The following ETV5 variants were observed in gnomAD, a reference collection of about 807,000 sequenced individuals.
ETV5 encodes ETS variant transcription factor 5.
In ETV5, 10 loss-of-function variants were observed where a neutral mutation model predicts 70.0. The observed-to-expected ratio is 0.14, with a 90% CI of 0.09 to 0.24. ETV5 has a LOEUF of 0.24. Ranked by LOEUF, ETV5 falls within the 10% of genes least tolerant of loss-of-function variation. The pLI is 1.00. For synonymous variants in ETV5, 216 were observed against 242.2 expected, an observed-to-expected ratio of 0.89 and a Z score of 1.01; for missense variants, 453 against 651.2, an observed-to-expected ratio of 0.70 and a Z score of 3.31.
chr3:186,087,055 T>C (rs570655137), intron 5 of ETV5, among the ~76,000 whole-genome samples: 3 of 152,246 alleles, frequency 2.0e-5, no homozygotes, highest in East Asian at 1.9e-4. Context: ...AATGGAAGGA[T>C]AGATCATGCT....
rs973209773 is a variant in ETV5 at position 186,047,145 on chromosome 3, T to C, written c.*1494A>G. The stretch of plus-strand genomic sequence containing the variant: ...CTAAGTGTCACGGGGAGCACAGAAT[T>C]CTACCAGCAGAGCAGGCAGCAAGGT... On this transcript the variant is annotated 3_prime_UTR_variant, in exon 13 of 13. Coordinates refer to ENST00000306376, the MANE Select transcript of ETV5 (RefSeq NM_004454.3). 10 of 229,322 alleles carry C rather than the reference T, an allele frequency of 4.4e-5. No homozygotes were observed. The highest frequency in any genetic ancestry group is 2.0e-4 in the African/African-American group (9 of 45,126). 14.2% of individuals were successfully genotyped at this position (229,322 alleles called of 1,614,324 possible).
intron 5 of ETV5, among the ~76,000 whole-genome samples, chr3:186,097,675 A>G (rs1290729146): frequency 6.6e-6 from 1 of 152,224 alleles, no homozygotes; most frequent in African/African-American, 2.4e-5. Context: ...CCAGAATCCC[A>G]GGCCATCAGC....
In ETV5 at chr3:186,105,569, C is replaced by T. The variant is rs371837949; in HGVS notation, c.133+56G>A. The T allele has an allele frequency of 2.1e-4, 337 of 1,611,636 alleles. No individual in the cohort carries two copies. The highest frequency in any genetic ancestry group is 4.2e-4 in the Admixed American group (25 of 60,026). The stretch of plus-strand genomic sequence containing the variant: ...GGGAGAAGACAGGGAAGAATCTACA[C>T]GCTACTGTCACTGGGAGCAGGGAAG... On this transcript the variant is annotated intron_variant, in intron 3 of 12. Transcript: ENST00000306376. The surrounding 1 kb of genome is among the most constrained non-coding windows in gnomAD (Gnocchi z 4.5).
chr3:186,063,172 A>T (rs886758171), intron 9 of ETV5, among the ~76,000 whole-genome samples: 1 of 152,168 alleles, frequency 6.6e-6, no homozygotes, highest in African/African-American at 2.4e-5. Context: ...TGGGAGGCTG[A>T]GGCAGGAGAA....
chr3:186,066,076 T>G lies in ETV5; in HGVS notation c.651-4A>C. On this transcript the variant is annotated splice_polypyrimidine_tract_variant and splice_region_variant and intron_variant, in intron 7 of 12. Coordinates refer to ENST00000306376, the MANE Select transcript of ETV5 (RefSeq NM_004454.3). ...TTCAGACAGTTGTCTCTGAAATCTG[T>G]AAGAAGAAAGAGGTTTTCATGTTGA... 1 of 1,565,242 alleles carries G rather than the reference T, an allele frequency of 6.4e-7. No homozygotes were observed. The highest frequency in any genetic ancestry group is 1.2e-5 in the South Asian group (1 of 83,478).
rs1712893327 is a variant in ETV5 at position 186,046,919 on chromosome 3, A to G, written c.*1720T>C. On this transcript the variant is annotated 3_prime_UTR_variant, in exon 13 of 13. Transcript: ENST00000306376. ...GCTAATTAGCTTCCAATAGAGGAGA[A>G]TCTCATGTTTCCATAGCTATAAAGT... 1 of 230,992 alleles carries G rather than the reference A, an allele frequency of 4.3e-6. No individual in the cohort carries two copies. The highest frequency in any genetic ancestry group is 8.6e-6 in the Non-Finnish European group (1 of 116,352). 14.3% of individuals were successfully genotyped at this position (230,992 alleles called of 1,614,324 possible).
intron 12 of ETV5, 105 bp downstream of exon 12, chr3:186,051,925 G>A (rs893135509): frequency 3.8e-6 from 4 of 1,066,490 alleles, no homozygotes; most frequent in South Asian, 1.3e-5. Context: ...CACTTAGGGG[G>A]CTAAAATTTC....
intron 7 of ETV5, among the ~76,000 whole-genome samples, chr3:186,072,588 G>A (rs1713669426): frequency 6.6e-6 from 1 of 152,176 alleles, no homozygotes; most frequent in African/African-American, 2.4e-5. Flanking sequence ...ATAACGAAGA[G>A]CCAGACACTG....
intron 7 of ETV5, among the ~76,000 whole-genome samples, chr3:186,077,498 T>G (rs1276498669): frequency 6.6e-6 from 1 of 152,214 alleles, no homozygotes; most frequent in Non-Finnish European, 1.5e-5. Flanking sequence ...TTATGTCACA[T>G]AGATATCACG....
At position 186,048,745 on chromosome 3, in the gene ETV5, C is replaced by T. The variant is rs918949890; in HGVS notation, c.1427G>A (p.Ser476Asn). ...FLKAESECHL[S>N]EEDTLPLTHF... ...GGTCAGCGGCAGGGTGTCCTCCTCG[C>T]TGAGGTGGCACTCGGACTCTGCCTT... is the stretch of plus-strand genomic sequence containing the variant. Residue 476 changes from serine (S) to asparagine (N), a missense_variant, in exon 13 of 13, where the codon AGC becomes AAC. This residue lies in a region of ETV5 where 74 missense variants were observed against 95.2 expected (regional missense o/e 0.78). Coordinates refer to ENST00000306376, the MANE Select transcript of ETV5 (RefSeq NM_004454.3). 1 of 1,614,022 alleles carries T rather than the reference C, an allele frequency of 6.2e-7. No homozygotes were observed. Among genetic ancestry groups the T allele is most frequent in the African/African-American group, 1.3e-5 (1 of 74,926 alleles).
In ETV5 at chr3:186,057,350, G is replaced by T; in HGVS notation, c.1039+73C>A. The T allele has an allele frequency of 6.2e-7, 1 of 1,604,674 alleles. No individual in the cohort carries two copies. The highest frequency in any genetic ancestry group is 8.5e-7 in the Non-Finnish European group (1 of 1,171,824). On this transcript the variant is annotated intron_variant, in intron 10 of 12. Coordinates refer to ENST00000306376, the MANE Select transcript of ETV5 (RefSeq NM_004454.3). This position sits in a 1 kb window ranked among gnomAD's most constrained non-coding sequence, Gnocchi z 4.9. ...CTGATTTAATCACTGGACTTGGGAA[G>T]AGAGTCATGGCTGAGGTGTTCTGAC...
chr3:186,068,135 A>T (rs1713497610), intron 7 of ETV5, among the ~76,000 whole-genome samples: 1 of 152,238 alleles, frequency 6.6e-6, no homozygotes, highest in Non-Finnish European at 1.5e-5. Flanking sequence ...ATTCAGTCAC[A>T]GATGATCAGG....
chr3:186,100,770 G>A (rs74607912), intron 5 of ETV5, among the ~76,000 whole-genome samples: 18,637 of 152,130 alleles, frequency 0.12, 1,228 homozygotes, highest in South Asian at 0.15. Flanking sequence ...GCTGTATTTG[G>A]TATGGAGGCC....
chr3:186,088,307 TCAGGGGGCTGGC>T (rs1560053719), intron 5 of ETV5, among the ~76,000 whole-genome samples: 1 of 152,208 alleles, frequency 6.6e-6, no homozygotes, highest in Non-Finnish European at 1.5e-5. Context: ...AGGCTGCAGC[TCAGGGGGCTGGC>T]CTAGGTCTCC....
At chr3:186,106,496 C>A (rs1714591244) in intron 1 of ETV5, among the ~76,000 whole-genome samples, 1 of 152,132 alleles carries the variant, frequency 6.6e-6, no homozygotes, top group African/African-American at 2.4e-5. Flanking sequence ...CTTATCTTCA[C>A]ACACAACTCT....
At position 186,047,759 on chromosome 3, in the gene ETV5, C is replaced by A. The variant is rs1168772084; in HGVS notation, c.*880G>T. On this transcript the variant is annotated 3_prime_UTR_variant, in exon 13 of 13. Transcript: ENST00000306376. ...AGTTGGCACGGCCCTGGCTAAAGGA[C>A]ACAGTGCACAGTTACCAAAAGGTTT... 4.3e-6 allele frequency: 1 copy of A among 232,984 alleles called. No homozygotes were observed. Among genetic ancestry groups the A allele is most frequent in the Non-Finnish European group, 8.5e-6 (1 of 117,862 alleles). The allele number at this position is 232,984 out of a possible 1,614,324, so 14.4% of individuals were successfully genotyped here.
intron 9 of ETV5, 37 bp downstream of exon 9, chr3:186,064,380 G>A (rs1713384306): frequency 6.3e-7 from 1 of 1,581,290 alleles, no homozygotes; most frequent in East Asian, 2.2e-5. Context: ...AAGGAGAGGA[G>A]AGAGGAGAGA....
chr3:186,099,084 T>C lies in ETV5; in HGVS notation c.232+6221A>G, dbSNP rs577397284. ...TTAAACAAGGGAGCCCCCTTTATTT[T>C]CTATGCAGAGTCCTCTTACGGGGAA... On this transcript the variant is annotated intron_variant, in intron 5 of 12. Transcript: ENST00000306376. 2.6e-5 allele frequency among the ~76,000 whole-genome samples: 4 copies of C among 152,362 alleles called. No homozygotes were observed. The East Asian group carries it at 7.7e-4, about 29-fold the overall frequency.
intron 1 of ETV5, chr3:186,108,486 G>A (rs1240529288): frequency 3.1e-6 from 4 of 1,280,090 alleles, no homozygotes; most frequent in Admixed American, 2.3e-5. Context: ...CCGGTGCTCT[G>A]GGGGGCAGCG....
Sources: allele counts gnomAD v4.1 joint callset (sites outside exome capture counted in the v4.1 genomes callset), GRCh38; gene constraint gnomAD v4.1.1; regional missense constraint gnomAD v4.1.1; non-coding constraint Gnocchi (gnomAD v3.1); transcripts MANE v1.5; gene names NCBI Gene and HGNC (gene_info 2026-07-23, HGNC 2026-07-21).